The following RPF2 variants were observed in gnomAD, a reference collection of about 807,000 sequenced individuals.
RPF2 encodes ribosome production factor 2 homolog.
Under a neutral mutation model 38.9 loss-of-function variants are expected in RPF2, and 21 were observed. The ratio of observed to expected loss-of-function variants is 0.54; its 90% confidence interval spans 0.38 to 0.78. The LOEUF is 0.78. Ranked by LOEUF, RPF2 falls within the 30% of genes least tolerant of loss-of-function variation. The pLI, the probability that RPF2 is intolerant of heterozygous loss-of-function variation, is 0.00. For missense variants in RPF2, 314 were observed against 358.1 expected (o/e 0.88, Z 0.99); for synonymous variants, 121 against 126.2 (o/e 0.96, Z 0.28).
chr6:111,002,130 A>C lies in RPF2; in HGVS notation c.393+2343A>C, dbSNP rs529037911. On this transcript the variant is annotated intron_variant, in intron 6 of 9. Coordinates refer to ENST00000441448, the MANE Select transcript of RPF2 (RefSeq NM_032194.3). ...CCCCATCTCTACTAAAAATACAAAA[A>C]TTAGCCAGGCATGGTGGTGCACGCC... is the stretch of plus-strand genomic sequence containing the variant. Among the ~76,000 whole-genome samples, 10 of 152,180 alleles carry C rather than the reference A, an allele frequency of 6.6e-5. No homozygotes were observed. The South Asian group carries it at 2.1e-3, about 32-fold the overall frequency.
chr6:110,985,180 T>C (rs1271851342), intron 2 of RPF2, 42 bp downstream of exon 2: 1 of 1,537,736 alleles, frequency 6.5e-7, no homozygotes, highest in East Asian at 2.3e-5. Context: ...TTGAAGTCAT[T>C]TTAGAATTTT....
intron 2 of RPF2, among the ~76,000 whole-genome samples, chr6:110,986,569 A>C (rs1046260992): frequency 6.6e-6 from 1 of 152,192 alleles, no homozygotes; most frequent in African/African-American, 2.4e-5. Flanking sequence ...AATGAAAATA[A>C]AAGCTTTGTT....
rs189766036 is a variant in RPF2, at chr6:111,024,332, A to G, written c.741+5A>G. 10 of 1,597,708 alleles carry G rather than the reference A, an allele frequency of 6.3e-6. No individual in the cohort carries two copies. The Admixed American group carries it at 9.1e-5, about 14-fold the overall frequency. ...AAAATGCCAAAAGCTCTCAAGGTAT[A>G]TAACTTAGAGCTTGGTACCACATTT... is the stretch of plus-strand genomic sequence containing the variant. On this transcript the variant is annotated splice_donor_5th_base_variant and intron_variant, in intron 9 of 9. Transcript: ENST00000441448.
rs1771571980 is a variant in RPF2 at position 110,989,036 on chromosome 6, G to GA, written c.171dup (p.Pro58ThrfsTer7). 1.3e-6 allele frequency: 2 copies of GA among 1,591,414 alleles called. No individual in the cohort carries two copies. Among genetic ancestry groups the GA allele is most frequent in the Non-Finnish European group, 1.7e-6 (2 of 1,169,500 alleles). ...TAAATTTTGTTTTACAGTATGCACTGAAAAAACCATACGGTGTACTATATA... is the reference window on the plus strand; with the variant it reads ...TAAATTTTGTTTTACAGTATGCACTGAAAAAAACCATACGGTGTACTATATA... On this transcript the variant is annotated frameshift_variant, in exon 3 of 10. Coordinates refer to ENST00000441448, the MANE Select transcript of RPF2 (RefSeq NM_032194.3). LOFTEE classifies it high-confidence loss of function.
At chr6:110,984,679 A>G (rs1771493643) in intron 1 of RPF2, among the ~76,000 whole-genome samples, 2 of 152,080 alleles carry the variant, frequency 1.3e-5, no homozygotes, top group South Asian at 4.1e-4. Context: ...GTCTCTGCTA[A>G]AAATACAAAA....
At chr6:111,001,004 G>A (rs1330388361) in intron 6 of RPF2, among the ~76,000 whole-genome samples, 1 of 152,168 alleles carries the variant, frequency 6.6e-6, no homozygotes, top group Non-Finnish European at 1.5e-5. Flanking sequence ...TGCTTTCCAG[G>A]TTTGGTAGAA....
intron 5 of RPF2, 21 bp from the exon 6 acceptor site, chr6:110,999,690 A>G (rs1437153678): frequency 6.5e-7 from 1 of 1,530,620 alleles, no homozygotes; most frequent in African/African-American, 1.4e-5. Flanking sequence ...ATACATGCTT[A>G]AAAATACATT....
chr6:110,984,015 C>T (rs947800315), intron 1 of RPF2, among the ~76,000 whole-genome samples: 9 of 151,830 alleles, frequency 5.9e-5, no homozygotes, highest in Non-Finnish European at 1.2e-4. Context: ...GGCGACAGAG[C>T]GAGACTCTGT....
intron 9 of RPF2, among the ~76,000 whole-genome samples, chr6:111,024,821 T>C (rs1200660607): frequency 6.7e-6 from 1 of 150,060 alleles, no homozygotes; most frequent in African/African-American, 2.5e-5. Flanking sequence ...TAAGGGATAA[T>C]AAAAAAAGAG....
At chr6:110,982,176 T>C (rs763214531) in intron 1 of RPF2, 47 bp downstream of exon 1, 1 of 1,604,586 alleles carries the variant, frequency 6.2e-7, no homozygotes, top group South Asian at 1.1e-5. Context: ...GGTGAAAGGG[T>C]CCCGTGATGA....
Position 111,024,199 on chromosome 6 carries a change from T to C in RPF2, c.613T>C (p.Ser205Pro), listed in dbSNP as rs759983219. The C allele has an allele frequency of 1.9e-6, 3 of 1,597,402 alleles. No individual in the cohort carries two copies. In the Admixed American group the frequency reaches 5.4e-5, roughly 29 times the overall value. ...FRSYKLLLKK[S>P]GCRTPRIELE... ...TTCCTAAAGGTTGCTGTTGAAGAAATCTGGTTGCAGAACACCACGGATTGA... is the reference window on the plus strand; with the variant it reads ...TTCCTAAAGGTTGCTGTTGAAGAAACCTGGTTGCAGAACACCACGGATTGA... Residue 205 changes from serine to proline, a missense_variant, in exon 9 of 10, where the codon TCT becomes CCT. Ser to Pro is a moderately conservative substitution (Grantham distance 74, BLOSUM62 -1). Transcript: ENST00000441448.
intron 2 of RPF2, among the ~76,000 whole-genome samples, chr6:110,988,798 G>A (rs1383163890): frequency 6.6e-6 from 1 of 152,180 alleles, no homozygotes; most frequent in Non-Finnish European, 1.5e-5. Flanking sequence ...GTTTAAGTTG[G>A]ATAGACTATT....
chr6:111,001,226 G>A (rs1313520233), intron 6 of RPF2, among the ~76,000 whole-genome samples: 1 of 152,098 alleles, frequency 6.6e-6, no homozygotes, highest in Non-Finnish European at 1.5e-5. Flanking sequence ...ACCTTCAGTT[G>A]CAATCACATG....
intron 6 of RPF2, among the ~76,000 whole-genome samples, chr6:111,000,957 GTATAA>G (rs1771802558): frequency 6.6e-6 from 1 of 152,172 alleles, no homozygotes; most frequent in African/African-American, 2.4e-5. Context: ...TAGCAAAAAT[GTATAA>G]TTACTCTTTT....
chr6:111,028,236 A>G lies in RPF2; in HGVS notation c.*2654A>G, dbSNP rs1286427759. 6.6e-6 allele frequency: 1 copy of G among 152,186 alleles called. No individual in the cohort carries two copies. Among genetic ancestry groups the G allele is most frequent in the Non-Finnish European group, 1.5e-5 (1 of 68,030 alleles). 9.4% of individuals were successfully genotyped at this position (152,186 alleles called of 1,614,324 possible). ...GTTATTACTCAATTCAAGAAAAGAAAGGGCTAATAAAACTTAACTTCAAGT... is the reference window on the plus strand; with the variant it reads ...GTTATTACTCAATTCAAGAAAAGAAGGGGCTAATAAAACTTAACTTCAAGT... On this transcript the variant is annotated 3_prime_UTR_variant, in exon 10 of 10. Transcript: ENST00000441448.
chr6:111,013,963 C>T (rs569167497), intron 7 of RPF2, among the ~76,000 whole-genome samples: 5 of 151,712 alleles, frequency 3.3e-5, no homozygotes, highest in Non-Finnish European at 7.4e-5. Context: ...ATAGTGAGAC[C>T]CCATCCGTAC....
chr6:111,010,773 C>CA (rs1182529105), intron 7 of RPF2, among the ~76,000 whole-genome samples: 1 of 151,766 alleles, frequency 6.6e-6, no homozygotes, highest in Non-Finnish European at 1.5e-5. Context: ...CTGAGCCCAC[C>CA]AAAAAAACTG....
intron 5 of RPF2, 113 bp downstream of exon 5, chr6:110,997,377 C>T (rs1771734215): frequency 1.5e-6 from 1 of 660,716 alleles, no homozygotes; most frequent in Non-Finnish European, 2.7e-6. Flanking sequence ...GGAAATAATT[C>T]ATCCAAGAGG....
intron 7 of RPF2, among the ~76,000 whole-genome samples, chr6:111,014,942 A>G (rs1772081487): frequency 6.6e-6 from 1 of 152,122 alleles, no homozygotes; most frequent in Admixed American, 6.6e-5. Context: ...CAACCTGGCT[A>G]ATTTTTTATA....
Sources: gnomAD v4.1 joint callset for allele counts (sites outside exome capture counted in the v4.1 genomes callset) on GRCh38, gnomAD v4.1.1 for gene constraint, MANE v1.5 for transcripts, NCBI Gene and HGNC (gene_info 2026-07-23, HGNC 2026-07-21) for gene names.